Variants in FAM13A observed in about 807,000 individuals in gnomAD.
FAM13A encodes the protein family with sequence similarity 13 member A.
Under a neutral mutation model 129.6 loss-of-function variants are expected in FAM13A, and 76 were observed. That is an observed-to-expected ratio of 0.59 (90% confidence interval 0.49 to 0.71). The LOEUF is 0.71. Among genes scored for constraint, FAM13A ranks in the 30% least tolerant of loss-of-function variants. FAM13A has a pLI of 0.00. For missense variants in FAM13A, 1,108 were observed against 1,249.3 expected (o/e 0.89, Z 1.70); for synonymous variants, 443 against 449.9 (o/e 0.98, Z 0.20).
At chr4:88,779,388 G>A (rs1289191372) in intron 11 of FAM13A, among the ~76,000 whole-genome samples, 1 of 152,160 alleles carries the variant, frequency 6.6e-6, no homozygotes, top group Non-Finnish European at 1.5e-5. Context: ...CATTCAGGAT[G>A]TCGTCTTAAT....
chr4:89,036,574 C>T (rs1769412425), intron 1 of FAM13A, among the ~76,000 whole-genome samples: 1 of 152,156 alleles, frequency 6.6e-6, no homozygotes, highest in Non-Finnish European at 1.5e-5. Context: ...GGAATTCAAG[C>T]CAGCTGCAGA....
intron 4 of FAM13A, among the ~76,000 whole-genome samples, chr4:88,950,269 T>C (rs1436228390): frequency 6.6e-6 from 1 of 151,884 alleles, no homozygotes; most frequent in African/African-American, 2.4e-5. Flanking sequence ...GTGGTGATCA[T>C]TGCACACTGC....
At chr4:88,873,362 T>G (rs1741769517) in intron 6 of FAM13A, among the ~76,000 whole-genome samples, 1 of 152,088 alleles carries the variant, frequency 6.6e-6, no homozygotes, top group African/African-American at 2.4e-5. Context: ...GCTGGTTTTT[T>G]GAAAGGATCA....
Position 88,731,435 on chromosome 4 carries a change from G to C in FAM13A, c.2844-7C>G. 2 of 1,518,688 alleles carry C rather than the reference G, an allele frequency of 1.3e-6. No homozygotes were observed. Among genetic ancestry groups the C allele is most frequent in the Admixed American group, 3.5e-5 (2 of 56,926 alleles). 94.1% of individuals were successfully genotyped at this position (1,518,688 alleles called of 1,614,324 possible). The stretch of plus-strand genomic sequence containing the variant: ...GTGTTCCAGGAGTTCAGGTCTAAGA[G>C]AGAGGAAGCATTGCAAGGAAATTAA... On this transcript the variant is annotated splice_polypyrimidine_tract_variant and splice_region_variant and intron_variant, in intron 22 of 23. Coordinates refer to ENST00000264344, the MANE Select transcript of FAM13A (RefSeq NM_014883.4).
intron 5 of FAM13A, among the ~76,000 whole-genome samples, chr4:88,913,733 T>C (rs1048725322): frequency 4.6e-5 from 7 of 152,208 alleles, no homozygotes; most frequent in Non-Finnish European, 8.8e-5. Flanking sequence ...AGAGAAGCCT[T>C]CTTTTCCCAA....
chr4:88,862,045 A>G (rs1345269984), intron 6 of FAM13A, among the ~76,000 whole-genome samples: 1 of 152,228 alleles, frequency 6.6e-6, no homozygotes, highest in African/African-American at 2.4e-5. Context: ...ACAGATATTT[A>G]TGGAGCACTT....
intron 21 of FAM13A, 33 bp from the exon 22 acceptor site, chr4:88,732,231 G>A (rs1196034401): frequency 6.5e-7 from 1 of 1,529,032 alleles, no homozygotes; most frequent in Non-Finnish European, 8.9e-7. Flanking sequence ...ATAAAAATCT[G>A]GTCACTTTTT....
At chr4:88,915,517 G>A (rs1174351881) in intron 5 of FAM13A, among the ~76,000 whole-genome samples, 1 of 152,144 alleles carries the variant, frequency 6.6e-6, no homozygotes, top group East Asian at 1.9e-4. Context: ...AGAACCTTAT[G>A]AATTATATAC....
In FAM13A at chr4:88,739,066, T is replaced by C; in HGVS notation, c.2526A>G (p.Lys842=). 1 of 1,613,918 alleles carries C rather than the reference T, an allele frequency of 6.2e-7. No homozygotes were observed. Among genetic ancestry groups the C allele is most frequent in the Non-Finnish European group, 8.5e-7 (1 of 1,179,862 alleles). ...TGGTGTTAGCTCGGGAGAGGATCTG[T>C]TTGACCAGCCGGTACCTGTCGTATA... ...KPLYDRYRLV[K]QILSRANTIP... The change falls in exon 20 of 24, where the codon AAA becomes AAG. Residue 842 remains lysine, a synonymous_variant. Transcript: ENST00000264344.
At position 88,906,233 on chromosome 4, in the gene FAM13A, A is replaced by G. The variant is rs1748137263; in HGVS notation, c.843+146T>C. On this transcript the variant is annotated intron_variant, in intron 6 of 23. Transcript: ENST00000264344. ...AACCCAGGAGGCAGAGGTTGCAGTGAGCTGAGATTGCGCCACTGCACTCCA... is the reference window on the plus strand; with the variant it reads ...AACCCAGGAGGCAGAGGTTGCAGTGGGCTGAGATTGCGCCACTGCACTCCA... 5.0e-6 allele frequency: 3 copies of G among 602,460 alleles called. No individual in the cohort carries two copies. In the South Asian group the frequency reaches 5.7e-5, roughly 11 times the overall value. The allele number at this position is 602,460 out of a possible 1,614,324, so 37.3% of individuals were successfully genotyped here.
chr4:89,014,949 G>A (rs554234459), intron 3 of FAM13A, among the ~76,000 whole-genome samples: 2 of 152,286 alleles, frequency 1.3e-5, no homozygotes, highest in East Asian at 1.9e-4. Context: ...GTCTTCTTTC[G>A]AAAGCAATAG....
intron 1 of FAM13A, among the ~76,000 whole-genome samples, chr4:89,039,736 G>C (rs1289236346): frequency 1.3e-5 from 2 of 151,986 alleles, no homozygotes; most frequent in African/African-American, 4.8e-5. Flanking sequence ...AAAAAGGGGT[G>C]AGAGTTGTTC....
At chr4:88,781,845 TG>T (rs1038228755) in intron 10 of FAM13A, among the ~76,000 whole-genome samples, 1 of 145,714 alleles carries the variant, frequency 6.9e-6, no homozygotes, top group Non-Finnish European at 1.5e-5. Flanking sequence ...TGTTGTGGGG[TG>T]GGGGGAGCGG....
At chr4:88,948,866 T>C (rs184599036) in intron 4 of FAM13A, among the ~76,000 whole-genome samples, 4 of 152,312 alleles carry the variant, frequency 2.6e-5, no homozygotes, top group Non-Finnish European at 1.5e-5. Flanking sequence ...ATACATTTTA[T>C]AGCATGTAGA....
At chr4:89,052,798 G>A (rs1579948287) in intron 1 of FAM13A, among the ~76,000 whole-genome samples, 1 of 151,808 alleles carries the variant, frequency 6.6e-6, no homozygotes. Context: ...TTTAAGTTCT[G>A]CTTCCTTTCT....
At chr4:88,737,617 C>T (rs554318453) in intron 20 of FAM13A, 62 bp from the exon 21 acceptor site, 13 of 1,327,126 alleles carry the variant, frequency 9.8e-6, no homozygotes, top group African/African-American at 5.8e-5. Context: ...CTCCAGCTCT[C>T]GGCCTCCTCT....
intron 4 of FAM13A, 126 bp downstream of exon 4, chr4:88,990,844 TACA>T: frequency 1.5e-6 from 1 of 683,200 alleles, no homozygotes; most frequent in Non-Finnish European, 2.5e-6. Context: ...AAGAACAAGA[TACA>T]ACTTCTCCAA....
At chr4:88,864,767 C>T (rs1740096190) in intron 6 of FAM13A, among the ~76,000 whole-genome samples, 2 of 152,130 alleles carry the variant, frequency 1.3e-5, no homozygotes, top group African/African-American at 4.8e-5. Context: ...TAAGCATGTG[C>T]TATTTTTAAT....
intron 1 of FAM13A, among the ~76,000 whole-genome samples, chr4:89,046,091 T>C (rs1025536231): frequency 6.6e-6 from 1 of 151,574 alleles, no homozygotes; most frequent in African/African-American, 2.4e-5. Context: ...CAAGCTGTCC[T>C]TCAACTATAA....
Sources: allele counts gnomAD v4.1 joint callset (sites outside exome capture counted in the v4.1 genomes callset), GRCh38; gene constraint gnomAD v4.1.1; transcripts MANE v1.5; gene names NCBI Gene and HGNC (gene_info 2026-07-23, HGNC 2026-07-21).